The following SAMD5 variants were observed in gnomAD, a reference collection of about 807,000 sequenced individuals.
SAMD5 encodes the protein sterile alpha motif domain containing 5.
Under a neutral mutation model 11.3 loss-of-function variants are expected in SAMD5, and 13 were observed. That is an observed-to-expected ratio of 1.15 (90% CI 0.75 to 1.83). SAMD5 has a LOEUF of 1.83. SAMD5 is among the 40% of genes most tolerant of loss of function. SAMD5 has a pLI of 0.00. For synonymous variants in SAMD5, 129 were observed against 111.3 expected (o/e 1.16, Z -1.00); for missense variants, 255 against 239.1 (o/e 1.07, Z -0.44).
At chr6:147,696,748 A>G (rs1489459464) in intron 1 of SAMD5, among the ~76,000 whole-genome samples, 2 of 152,114 alleles carry the variant, frequency 1.3e-5, no homozygotes, top group Non-Finnish European at 2.9e-5. Context: ...CGCCCACTTC[A>G]TGGGATTAAA....
At chr6:147,769,189 G>A in the SAMD5 span, among the ~76,000 whole-genome samples, 10 of 152,346 alleles carry the variant, frequency 6.6e-5, no homozygotes, top group South Asian at 2.1e-3. Context: ...AAGAGACTGT[G>A]CCTGGCCCTT....
intron 1 of SAMD5, among the ~76,000 whole-genome samples, chr6:147,639,419 T>C (rs1790277669): frequency 6.6e-6 from 1 of 152,236 alleles, no homozygotes; most frequent in African/African-American, 2.4e-5. Flanking sequence ...CAATACACTT[T>C]GTGCATAGCT....
the SAMD5 span, among the ~76,000 whole-genome samples, chr6:147,914,156 G>A: frequency 7.6e-6 from 1 of 132,352 alleles, no homozygotes; most frequent in African/African-American, 3.2e-5. Flanking sequence ...TTGTTTTTGC[G>A]ACTTTTTTTT....
At chr6:147,709,113 A>T (rs1791362922) in intron 1 of SAMD5, among the ~76,000 whole-genome samples, 2 of 152,174 alleles carry the variant, frequency 1.3e-5, no homozygotes, top group Non-Finnish European at 2.9e-5. Context: ...ACTTAAAGAA[A>T]GTTCTTTTAT....
the SAMD5 span, among the ~76,000 whole-genome samples, chr6:147,784,082 C>T: frequency 3.2e-3 from 491 of 152,164 alleles, 1 homozygote; most frequent in African/African-American, 0.011. Context: ...TCTTTTGCCT[C>T]GACCGTCTCT....
At chr6:147,690,335 A>G (rs1430038521) in intron 1 of SAMD5, among the ~76,000 whole-genome samples, 2 of 152,248 alleles carry the variant, frequency 1.3e-5, no homozygotes, top group Non-Finnish European at 2.9e-5. Flanking sequence ...TGTCATAAAT[A>G]GTTTAAAAAA....
intron 1 of SAMD5, among the ~76,000 whole-genome samples, chr6:147,676,971 A>G (rs375516272): frequency 2.0e-5 from 3 of 152,114 alleles, no homozygotes; most frequent in African/African-American, 7.2e-5. Flanking sequence ...TAAAATTAGC[A>G]TATAAATGGA....
chr6:147,917,380 C>T, the SAMD5 span, among the ~76,000 whole-genome samples: 3 of 149,368 alleles, frequency 2.0e-5, no homozygotes, highest in African/African-American at 7.5e-5. Flanking sequence ...TGTTCATGTC[C>T]TTCGCCCACT....
intron 1 of SAMD5, among the ~76,000 whole-genome samples, chr6:147,586,315 A>G (rs1789373109): frequency 6.6e-6 from 1 of 152,208 alleles, no homozygotes; most frequent in Non-Finnish European, 1.5e-5. Flanking sequence ...AAGCTCTGGA[A>G]ACAGAAATAT....
intron 1 of SAMD5, among the ~76,000 whole-genome samples, chr6:147,672,072 A>G (rs1790803915): frequency 6.6e-6 from 1 of 151,898 alleles, no homozygotes; most frequent in African/African-American, 2.4e-5. Flanking sequence ...CCAACCAGGA[A>G]CATGGTTAAC....
chr6:147,533,146 A>C (rs1788455488), intron 1 of SAMD5, among the ~76,000 whole-genome samples: 1 of 152,178 alleles, frequency 6.6e-6, no homozygotes, highest in Middle Eastern at 3.2e-3. Context: ...ATAGGGGCCC[A>C]GACCAATCCA....
chr6:147,859,808 A>C, the SAMD5 span, among the ~76,000 whole-genome samples: 1 of 152,066 alleles, frequency 6.6e-6, no homozygotes, highest in African/African-American at 2.4e-5. Context: ...ACTGCTAAAA[A>C]TTTATCTCTG....
At chr6:147,759,524 G>A in the SAMD5 span, among the ~76,000 whole-genome samples, 1 of 151,792 alleles carries the variant, frequency 6.6e-6, no homozygotes, top group Non-Finnish European at 1.5e-5. Flanking sequence ...GTTGTCCTTA[G>A]TGGTAGGGTA....
chr6:147,621,123 C>G (rs1789958730), intron 1 of SAMD5, among the ~76,000 whole-genome samples: 1 of 152,182 alleles, frequency 6.6e-6, no homozygotes. Flanking sequence ...GAATTTTACT[C>G]TGAAGTTAGA....
At chr6:147,612,907 G>A (rs1180303038) in intron 1 of SAMD5, among the ~76,000 whole-genome samples, 1 of 152,084 alleles carries the variant, frequency 6.6e-6, no homozygotes, top group African/African-American at 2.4e-5. Flanking sequence ...CAGCTTTTAT[G>A]GAAAAATTTG....
intron 1 of SAMD5, among the ~76,000 whole-genome samples, chr6:147,698,562 A>G (rs1244816012): frequency 6.6e-6 from 1 of 152,192 alleles, no homozygotes; most frequent in Non-Finnish European, 1.5e-5. Context: ...CACTTCTGTC[A>G]TAGCATGAAT....
chr6:147,804,065 A>G, the SAMD5 span, among the ~76,000 whole-genome samples: 1 of 149,114 alleles, frequency 6.7e-6, no homozygotes, highest in Non-Finnish European at 1.5e-5. Flanking sequence ...CATGTTGGCC[A>G]TGGGCCCATT....
the SAMD5 span, among the ~76,000 whole-genome samples, chr6:147,793,855 G>A: frequency 3.3e-5 from 5 of 152,142 alleles, no homozygotes; most frequent in African/African-American, 1.2e-4. Flanking sequence ...GATAGTGTGA[G>A]TCTTCCAACT....
the SAMD5 span, among the ~76,000 whole-genome samples, chr6:147,797,980 A>T: frequency 6.6e-6 from 1 of 151,352 alleles, no homozygotes. Flanking sequence ...TAGTCTTGCT[A>T]GCAGTCTATC....
Sources: gnomAD v4.1 joint callset for allele counts (sites outside exome capture counted in the v4.1 genomes callset) on GRCh38, gnomAD v4.1.1 for gene constraint, MANE v1.5 for transcripts, NCBI Gene and HGNC (gene_info 2026-07-23, HGNC 2026-07-21) for gene names.